The following PPP2R3C variants were observed in gnomAD, a reference collection of about 807,000 sequenced individuals.
The protein encoded by PPP2R3C is serine/threonine-protein phosphatase 2A regulatory subunit B'' subunit gamma.
PPP2R3C carries 47 observed loss-of-function variants against 63.7 expected under a neutral mutation model. The observed-to-expected ratio is 0.74, with a 90% confidence interval of 0.58 to 0.94. The LOEUF (loss-of-function observed/expected upper bound fraction) is 0.94, where lower values mean the gene tolerates loss of function less well. Ranked by LOEUF, PPP2R3C falls within the 40% of genes least tolerant of loss-of-function variation. The pLI is 0.00. For synonymous variants in PPP2R3C, 180 were observed against 177.4 expected (o/e 1.01, Z -0.12); for missense variants, 421 against 518.4 (o/e 0.81, Z 1.82).
Position 35,110,687 on chromosome 14 carries a change from T to C in PPP2R3C, c.187-58A>G. Reference sequence around the variant, plus strand: ...TTTTAGACTACTGGATCCTATAAAATGTATGTGGCCTCATAAAATAACTGT... The same window carrying C: ...TTTTAGACTACTGGATCCTATAAAACGTATGTGGCCTCATAAAATAACTGT... On this transcript the variant is annotated intron_variant, in intron 2 of 12. Coordinates refer to ENST00000261475, the MANE Select transcript of PPP2R3C (RefSeq NM_017917.4). 2 of 1,138,428 alleles carry C rather than the reference T, an allele frequency of 1.8e-6. 1 individual carries two copies. The highest frequency in any genetic ancestry group is 2.6e-6 in the Non-Finnish European group (2 of 773,878). The allele number at this position is 1,138,428 out of a possible 1,614,324, so 70.5% of individuals were successfully genotyped here.
chr14:35,088,353 C>G (rs1007528470), intron 11 of PPP2R3C, among the ~76,000 whole-genome samples: 19 of 152,156 alleles, frequency 1.2e-4, no homozygotes, highest in African/African-American at 4.6e-4. Flanking sequence ...TTGATCTGCT[C>G]CTCTCATTTT....
At chr14:35,108,302 T>G in intron 4 of PPP2R3C, 66 bp from the exon 5 acceptor site, 1 of 1,485,310 alleles carries the variant, frequency 6.7e-7, no homozygotes, top group Non-Finnish European at 8.9e-7. Context: ...CTACATAAAT[T>G]AGCAAACAAT....
At chr14:35,088,198 A>C in intron 11 of PPP2R3C, 188 bp from the exon 12 acceptor site, 1 of 602,018 alleles carries the variant, frequency 1.7e-6, no homozygotes, top group East Asian at 2.8e-5. Context: ...TAAATTCTCG[A>C]TTAGTGTATT....
At position 35,099,402 on chromosome 14, in the gene PPP2R3C, TAA is replaced by T; in HGVS notation, c.574-20_574-19del. On this transcript the variant is annotated intron_variant, in intron 6 of 12. Coordinates refer to ENST00000261475, the MANE Select transcript of PPP2R3C (RefSeq NM_017917.4). ...TCTAAATCCTGAAAATAAAACAAAATAAAGTGTTAAATGTCCAGTCTTGATTC... is the reference window on the plus strand; with the variant it reads ...TCTAAATCCTGAAAATAAAACAAAATAGTGTTAAATGTCCAGTCTTGATTC... The T allele has an allele frequency of 6.3e-7, 1 of 1,586,012 alleles. No homozygotes were observed. Among genetic ancestry groups the T allele is most frequent in the Non-Finnish European group, 8.5e-7 (1 of 1,173,504 alleles).
intron 6 of PPP2R3C, among the ~76,000 whole-genome samples, chr14:35,105,803 G>C (rs2046334186): frequency 6.6e-6 from 1 of 152,052 alleles, no homozygotes; most frequent in African/African-American, 2.4e-5. Flanking sequence ...GTCTCTATGT[G>C]AATATGGACA....
chr14:35,099,185 CTAGT>C, intron 7 of PPP2R3C, 63 bp downstream of exon 7: 1 of 1,385,520 alleles, frequency 7.2e-7, no homozygotes. Flanking sequence ...AGAGTTTTCT[CTAGT>C]TATTGAGATT....
intron 1 of PPP2R3C, 106 bp downstream of exon 1, chr14:35,121,796 A>G (rs558749391): frequency 1.5e-6 from 2 of 1,293,238 alleles, no homozygotes; most frequent in Non-Finnish European, 2.2e-6. Flanking sequence ...GAGGTTTCAC[A>G]GAAGCGGAAA....
chr14:35,088,054 A>C (rs761501336), intron 11 of PPP2R3C, 44 bp from the exon 12 acceptor site: 3 of 1,380,470 alleles, frequency 2.2e-6, no homozygotes, highest in Non-Finnish European at 3.1e-6. Context: ...AATGAAATAC[A>C]CAACATCCCT....
At position 35,109,905 on chromosome 14, in the gene PPP2R3C, G is replaced by C; in HGVS notation, c.318C>G (p.His106Gln). The C allele has an allele frequency of 6.2e-7, 1 of 1,608,828 alleles. No homozygotes were observed. Among genetic ancestry groups the C allele is most frequent in the Non-Finnish European group, 8.5e-7 (1 of 1,176,650 alleles). ...LQNLWFLLDK[H>Q]QTPPMIGEEA... is the part of the protein sequence containing the mutation. Reference sequence around the variant, plus strand: ...CCTCTCCAATCATAGGTGGTGTCTGGTGTTTGTCCAGCAAAAACCATAAGT... The same window carrying C: ...CCTCTCCAATCATAGGTGGTGTCTGCTGTTTGTCCAGCAAAAACCATAAGT... Residue 106 changes from histidine to glutamine, a missense_variant, in exon 4 of 13, where the codon CAC becomes CAG. His to Gln is a conservative substitution (Grantham distance 24). Around this residue, in one of 3 missense-constraint regions of PPP2R3C, gnomAD observed 143 missense variants for 151.2 expected, o/e 0.95. Coordinates refer to ENST00000261475, the MANE Select transcript of PPP2R3C (RefSeq NM_017917.4).
chr14:35,085,830 CACAT>C, intron 12 of PPP2R3C, 52 bp from the exon 13 acceptor site: 1 of 1,444,712 alleles, frequency 6.9e-7, no homozygotes, highest in Non-Finnish European at 9.4e-7. Flanking sequence ...ATTTCTATCA[CACAT>C]AGTGATCCAA....
intron 10 of PPP2R3C, among the ~76,000 whole-genome samples, chr14:35,093,150 T>C (rs2138620514): frequency 6.6e-6 from 1 of 152,074 alleles, no homozygotes; most frequent in South Asian, 2.1e-4. Context: ...GAGGCGGAGC[T>C]TGCAGTGAGC....
intron 6 of PPP2R3C, chr14:35,100,599 A>G (rs2046155542): frequency 6.6e-6 from 1 of 152,190 alleles, no homozygotes; most frequent in African/African-American, 2.4e-5. Context: ...TTACGTGCTC[A>G]AGGTAGTTCA....
intron 6 of PPP2R3C, among the ~76,000 whole-genome samples, chr14:35,105,287 A>T (rs111849617): frequency 0.11 from 16,003 of 151,560 alleles, 1,063 homozygotes; most frequent in African/African-American, 0.19. Context: ...GGTTCAAGCG[A>T]TTCTCTTGTC....
chr14:35,088,893 G>A (rs902803333), intron 11 of PPP2R3C, among the ~76,000 whole-genome samples: 2 of 152,084 alleles, frequency 1.3e-5, no homozygotes, highest in African/African-American at 4.8e-5. Flanking sequence ...TATTTTTAAA[G>A]TAGTTTTAAA....
At chr14:35,102,383 A>T (rs2046226949) in intron 6 of PPP2R3C, 1 of 152,100 alleles carries the variant, frequency 6.6e-6, no homozygotes, top group Non-Finnish European at 1.5e-5. Flanking sequence ...CAAATATCAA[A>T]TTTCTGGTAG....
chr14:35,118,898 C>T (rs1385573886), intron 1 of PPP2R3C, among the ~76,000 whole-genome samples: 2 of 152,020 alleles, frequency 1.3e-5, no homozygotes, highest in Non-Finnish European at 2.9e-5. Context: ...GTGATCCACC[C>T]ACTTCAGCCT....
At chr14:35,115,687 T>C (rs1389313611) in intron 2 of PPP2R3C, among the ~76,000 whole-genome samples, 1 of 152,106 alleles carries the variant, frequency 6.6e-6, no homozygotes, top group Admixed American at 6.6e-5. Context: ...AGTGGCGCGA[T>C]CTGGGCTCAC....
chr14:35,086,785 A>C (rs2045613125), intron 12 of PPP2R3C: 1 of 152,770 alleles, frequency 6.5e-6, no homozygotes, highest in Admixed American at 6.6e-5. Context: ...GGCGTGAGCC[A>C]CCGTGCCCAG....
chr14:35,106,136 C>T (rs145791271), intron 6 of PPP2R3C, among the ~76,000 whole-genome samples: 3,050 of 152,054 alleles, frequency 0.02, 103 homozygotes, highest in African/African-American at 0.071. Flanking sequence ...TGAGCCACCA[C>T]GCCCGGCATC....
Sources: allele counts gnomAD v4.1 joint callset (sites outside exome capture counted in the v4.1 genomes callset), GRCh38; gene constraint gnomAD v4.1.1; regional missense constraint gnomAD v4.1.1; transcripts MANE v1.5; gene names NCBI Gene and HGNC (gene_info 2026-07-23, HGNC 2026-07-21).